TEX9: variants seen among roughly 807,000 people sequenced by gnomAD.
TEX9 encodes testis-expressed protein 9.
In TEX9, 74 loss-of-function variants were observed where a neutral mutation model predicts 59.6. The observed-to-expected ratio is 1.24, with a 90% CI of 1.03 to 1.51. The LOEUF is 1.51. Ranked by LOEUF, TEX9 falls within the 40% of genes most tolerant of loss-of-function variation. The pLI, the probability that TEX9 is intolerant of heterozygous loss-of-function variation, is 0.00. For missense variants in TEX9, 522 were observed against 447.8 expected (o/e 1.17, Z -1.49); for synonymous variants, 186 against 152.2 (o/e 1.22, Z -1.64).
chr15:56,332,882 C>T (rs2046180886), intron 1 of TEX9, among the ~76,000 whole-genome samples: 1 of 152,016 alleles, frequency 6.6e-6, no homozygotes, highest in Non-Finnish European at 1.5e-5. Context: ...TTAGTGACTA[C>T]CATGAGCAAC....
chr15:56,384,468 A>G (rs567021311), intron 4 of TEX9, among the ~76,000 whole-genome samples: 3 of 152,160 alleles, frequency 2.0e-5, no homozygotes, highest in Non-Finnish European at 2.9e-5. Flanking sequence ...TAAAATTCCA[A>G]TTGGTAAAAT....
intron 2 of TEX9, among the ~76,000 whole-genome samples, chr15:56,368,541 G>C (rs1346131165): frequency 6.6e-6 from 1 of 152,024 alleles, no homozygotes; most frequent in African/African-American, 2.4e-5. Context: ...TCTGAGTCTA[G>C]TGTTCTTTTA....
At chr15:56,311,766 T>A (rs2045624192) in intron 1 of TEX9, among the ~76,000 whole-genome samples, 2 of 144,460 alleles carry the variant, frequency 1.4e-5, no homozygotes, top group Non-Finnish European at 3.1e-5. Flanking sequence ...ACCAACAGTG[T>A]AAAAGTGTTC....
chr15:56,415,255 C>G (rs1326719247), intron 10 of TEX9, among the ~76,000 whole-genome samples: 1 of 151,818 alleles, frequency 6.6e-6, no homozygotes, highest in Non-Finnish European at 1.5e-5. Flanking sequence ...TCCCACTTGT[C>G]AGTTTTTGCT....
chr15:56,358,549 C>T (rs1272029916), intron 1 of TEX9, among the ~76,000 whole-genome samples: 6 of 152,070 alleles, frequency 3.9e-5, no homozygotes, highest in African/African-American at 1.4e-4. Flanking sequence ...TTATTACGAT[C>T]TTACATTAAT....
intron 1 of TEX9, among the ~76,000 whole-genome samples, chr15:56,337,027 C>A (rs1489352649): frequency 6.6e-6 from 1 of 152,140 alleles, no homozygotes; most frequent in Non-Finnish European, 1.5e-5. Flanking sequence ...GCTTGTACAG[C>A]TTGTATCCTC....
At chr15:56,282,116 A>G (rs1224218479) in intron 1 of TEX9, among the ~76,000 whole-genome samples, 2 of 152,346 alleles carry the variant, frequency 1.3e-5, no homozygotes, top group South Asian at 2.1e-4. Flanking sequence ...AAAGAAAGCA[A>G]CAATATGTAT....
intron 1 of TEX9, among the ~76,000 whole-genome samples, chr15:56,300,746 A>AGAGAGAGAGAGAGAGTT: frequency 7.2e-6 from 1 of 138,418 alleles, no homozygotes; most frequent in African/African-American, 2.6e-5. Context: ...AGAGAGAGAG[A>AGAGAGAGAGAGAGAGTT]CTTCATTTCA....
At chr15:56,443,674 T>TAA (rs759930275) in intron 12 of TEX9, 6 of 1,613,302 alleles carry the variant, frequency 3.7e-6, no homozygotes, top group South Asian at 3.3e-5. Context: ...CCTCATTTTC[T>TAA]TGAACTTTTG....
At chr15:56,280,867 C>A (rs549032717) in intron 1 of TEX9, among the ~76,000 whole-genome samples, 3 of 152,266 alleles carry the variant, frequency 2.0e-5, no homozygotes, top group African/African-American at 7.2e-5. Flanking sequence ...TTACGCCTAG[C>A]ATAGATCTGC....
At chr15:56,369,716 T>G (rs1439514544) in intron 2 of TEX9, among the ~76,000 whole-genome samples, 6 of 152,214 alleles carry the variant, frequency 3.9e-5, no homozygotes, top group Non-Finnish European at 8.8e-5. Flanking sequence ...CTTGTTCACT[T>G]TTTGTAAAAG....
chr15:56,282,857 C>T (rs1430820374), intron 1 of TEX9, among the ~76,000 whole-genome samples: 1 of 151,982 alleles, frequency 6.6e-6, no homozygotes, highest in Non-Finnish European at 1.5e-5. Flanking sequence ...CAATTCCAGA[C>T]AAAACTTTGG....
chr15:56,393,248 C>T (rs1170977918), intron 7 of TEX9, among the ~76,000 whole-genome samples: 2 of 152,160 alleles, frequency 1.3e-5, no homozygotes, highest in African/African-American at 4.8e-5. Flanking sequence ...CTACTCCCTA[C>T]TCACCTGGAG....
At chr15:56,248,544 T>G (rs2043922710) in intron 1 of TEX9, among the ~76,000 whole-genome samples, 1 of 152,228 alleles carries the variant, frequency 6.6e-6, no homozygotes, top group South Asian at 2.1e-4. Flanking sequence ...AGTAGTATGA[T>G]GAAACAAATG....
At chr15:56,355,186 A>C (rs2046661631) in intron 1 of TEX9, among the ~76,000 whole-genome samples, 1 of 152,136 alleles carries the variant, frequency 6.6e-6, no homozygotes, top group East Asian at 1.9e-4. Flanking sequence ...TCCATAACTT[A>C]ATATTAGTGA....
At chr15:56,391,410 T>C (rs770999456) in exon 7 of TEX9, 1 of 1,521,564 alleles carries the variant, frequency 6.6e-7, no homozygotes, top group East Asian at 2.3e-5. Context: ...AGTAATGACA[T>C]TGGAACAGGT....
chr15:56,411,923 G>T (rs2049372242), intron 9 of TEX9, among the ~76,000 whole-genome samples: 1 of 152,136 alleles, frequency 6.6e-6, no homozygotes, highest in South Asian at 2.1e-4. Flanking sequence ...AAACAGTGGA[G>T]AGTTTCTCTT....
chr15:56,298,550 C>T (rs2045269002), intron 1 of TEX9, among the ~76,000 whole-genome samples: 1 of 152,054 alleles, frequency 6.6e-6, no homozygotes, highest in Non-Finnish European at 1.5e-5. Context: ...ACATTGGGCC[C>T]ATATCATATA....
At chr15:56,421,680 T>C (rs1490282249) in intron 10 of TEX9, 1 of 151,786 alleles carries the variant, frequency 6.6e-6, no homozygotes, top group African/African-American at 2.4e-5. Context: ...TGTGTTCTCA[T>C]TATTCAATTC....
Sources: allele counts gnomAD v4.1 joint callset (sites outside exome capture counted in the v4.1 genomes callset), GRCh38; gene constraint gnomAD v4.1.1; transcripts MANE v1.5; gene names NCBI Gene and HGNC (gene_info 2026-07-23, HGNC 2026-07-21).